Variants in TMC1 observed in about 807,000 individuals in gnomAD.
The protein encoded by TMC1 is transmembrane channel like 1.
A neutral mutation model predicts 105.8 loss-of-function variants in TMC1; 84 were observed. The observed-to-expected ratio is 0.79, with a 90% CI of 0.67 to 0.95. TMC1 has a LOEUF of 0.95. TMC1 is among the 40% of genes least tolerant of loss of function. TMC1 has a pLI of 0.00. For synonymous variants in TMC1, 315 were observed against 311.5 expected, an observed-to-expected ratio of 1.01 and a Z score of -0.12; for missense variants, 817 against 914.1, an observed-to-expected ratio of 0.89 and a Z score of 1.37.
At chr9:72,701,746 A>G (rs1008815428) in intron 8 of TMC1, among the ~76,000 whole-genome samples, 8 of 152,194 alleles carry the variant, frequency 5.3e-5, no homozygotes, top group African/African-American at 1.9e-4. Flanking sequence ...CTCATATCCA[A>G]AATAAAGAAA....
intron 5 of TMC1, among the ~76,000 whole-genome samples, chr9:72,650,283 T>G (rs1333391057): frequency 1.3e-5 from 2 of 152,184 alleles, no homozygotes; most frequent in East Asian, 3.8e-4. Flanking sequence ...TACTTGGGCT[T>G]CATAAGAATG....
At chr9:72,813,135 G>T (rs149165218) in intron 18 of TMC1, among the ~76,000 whole-genome samples, 13 of 152,068 alleles carry the variant, frequency 8.5e-5, no homozygotes, top group African/African-American at 2.9e-4. Context: ...TGATCTCAAA[G>T]TTCAAGAGAA....
chr9:72,748,645 ACAT>A (rs1827531088), intron 10 of TMC1, among the ~76,000 whole-genome samples: 1 of 152,140 alleles, frequency 6.6e-6, no homozygotes, highest in East Asian at 1.9e-4. Flanking sequence ...TTTTTAGTGA[ACAT>A]CAGTTTTAGT....
At chr9:72,563,248 C>G (rs1334932353) in intron 1 of TMC1, among the ~76,000 whole-genome samples, 1 of 152,058 alleles carries the variant, frequency 6.6e-6, no homozygotes, top group Non-Finnish European at 1.5e-5. Context: ...GAAAGGTCTT[C>G]CAGACCAGAT....
chr9:72,569,484 C>T (rs993876108), intron 1 of TMC1, among the ~76,000 whole-genome samples: 20 of 152,010 alleles, frequency 1.3e-4, no homozygotes, highest in African/African-American at 3.4e-4. Context: ...GACTCTGTGA[C>T]GAAATGGACA....
intron 6 of TMC1, 96 bp downstream of exon 6, chr9:72,688,852 G>A: frequency 9.6e-7 from 1 of 1,040,666 alleles, no homozygotes; most frequent in Non-Finnish European, 1.5e-6. Flanking sequence ...CCATATGTAA[G>A]CAGAAGTGTG....
intron 8 of TMC1, among the ~76,000 whole-genome samples, chr9:72,711,299 G>T (rs987796859): frequency 1.3e-5 from 2 of 152,094 alleles, no homozygotes; most frequent in African/African-American, 4.8e-5. Flanking sequence ...GGGATGGCTG[G>T]GTCAAATGGT....
At chr9:72,835,680 T>G (rs1433998419) in intron 23 of TMC1, among the ~76,000 whole-genome samples, 2 of 143,664 alleles carry the variant, frequency 1.4e-5, no homozygotes, top group Non-Finnish European at 3.1e-5. Flanking sequence ...ACATAAGCAA[T>G]AATGTATAAA....
chr9:72,604,265 T>C (rs1298033951), intron 2 of TMC1, among the ~76,000 whole-genome samples: 1 of 152,184 alleles, frequency 6.6e-6, no homozygotes, highest in East Asian at 1.9e-4. Context: ...GTTTTTTTGT[T>C]CATAAGGTCT....
At chr9:72,752,868 C>G (rs539860562) in intron 11 of TMC1, among the ~76,000 whole-genome samples, 1 of 152,192 alleles carries the variant, frequency 6.6e-6, no homozygotes, top group South Asian at 2.1e-4. Flanking sequence ...AATAATAATG[C>G]TTTACATTCA....
chr9:72,650,897 TATATAAATATATATAG>T (rs1564468532), intron 5 of TMC1, among the ~76,000 whole-genome samples: 1 of 142,564 alleles, frequency 7.0e-6, no homozygotes. Flanking sequence ...TATAGATATA[TATATAAATATATATAG>T]ATATATATAT....
intron 5 of TMC1, among the ~76,000 whole-genome samples, chr9:72,667,802 A>G (rs1826067404): frequency 6.6e-6 from 1 of 152,246 alleles, no homozygotes; most frequent in South Asian, 2.1e-4. Context: ...CAGCAGAATT[A>G]AGAAGAGCCA....
chr9:72,809,246 G>A (rs1463058828), intron 18 of TMC1, among the ~76,000 whole-genome samples: 2 of 152,114 alleles, frequency 1.3e-5, no homozygotes, highest in East Asian at 3.8e-4. Flanking sequence ...TACATGACCT[G>A]GATGCATAAA....
At chr9:72,643,480 C>A (rs1185318994) in intron 4 of TMC1, among the ~76,000 whole-genome samples, 1 of 152,068 alleles carries the variant, frequency 6.6e-6, no homozygotes, top group African/African-American at 2.4e-5. Context: ...TGTTATTCTT[C>A]CCTCCTTCCA....
intron 6 of TMC1, among the ~76,000 whole-genome samples, chr9:72,692,189 C>T (rs369260386): frequency 6.6e-6 from 1 of 152,196 alleles, no homozygotes. Flanking sequence ...CTTTTCCTGT[C>T]AGTGCTCAGA....
chr9:72,662,293 T>G (rs1459609113), intron 5 of TMC1, among the ~76,000 whole-genome samples: 1 of 151,908 alleles, frequency 6.6e-6, no homozygotes, highest in African/African-American at 2.4e-5. Flanking sequence ...TCCAAGCGAT[T>G]CTCCTGCCTC....
chr9:72,592,067 T>C (rs1370776733), intron 2 of TMC1, among the ~76,000 whole-genome samples: 1 of 152,100 alleles, frequency 6.6e-6, no homozygotes, highest in Non-Finnish European at 1.5e-5. Context: ...TGATCACTGA[T>C]CGAGCAAAAA....
At chr9:72,533,037 TG>T (rs2132058897) in intron 1 of TMC1, among the ~76,000 whole-genome samples, 1 of 152,320 alleles carries the variant, frequency 6.6e-6, no homozygotes, top group Admixed American at 6.5e-5. Context: ...ATGTAGGAGC[TG>T]GGGCTAAGGG....
intron 11 of TMC1, among the ~76,000 whole-genome samples, chr9:72,753,636 T>C (rs1827621580): frequency 6.6e-6 from 1 of 152,030 alleles, no homozygotes; most frequent in Non-Finnish European, 1.5e-5. Flanking sequence ...GGGCAATGAT[T>C]ACCAACTCCA....
Sources: allele counts gnomAD v4.1 joint callset (sites outside exome capture counted in the v4.1 genomes callset), GRCh38; gene constraint gnomAD v4.1.1; transcripts MANE v1.5; gene names NCBI Gene and HGNC (gene_info 2026-07-23, HGNC 2026-07-21).